The following KLHL32 variants were observed in gnomAD, a reference collection of about 807,000 sequenced individuals.
KLHL32 encodes kelch-like protein 32.
In KLHL32, 35 loss-of-function variants were observed where a neutral mutation model predicts 64.8. That is an observed-to-expected ratio of 0.54 (90% CI 0.41 to 0.72). The LOEUF is 0.72. Ranked by LOEUF, KLHL32 falls within the 30% of genes least tolerant of loss-of-function variation. The probability of loss-of-function intolerance (pLI) is 0.00; values close to 1 mark genes in which losing one functional copy is unlikely to be tolerated. For missense variants in KLHL32, 589 were observed against 768.5 expected, an observed-to-expected ratio of 0.77 and a Z score of 2.76; for synonymous variants, 259 against 281.0, an observed-to-expected ratio of 0.92 and a Z score of 0.78.
chr6:96,940,477 T>A (rs1244953079), intron 1 of KLHL32, among the ~76,000 whole-genome samples: 1 of 152,204 alleles, frequency 6.6e-6, no homozygotes, highest in Non-Finnish European at 1.5e-5. Flanking sequence ...GCTGCTGATA[T>A]CCAAAATGTA....
At chr6:97,053,157 GTTA>G (rs1471680605) in intron 4 of KLHL32, among the ~76,000 whole-genome samples, 1 of 151,940 alleles carries the variant, frequency 6.6e-6, no homozygotes, top group Non-Finnish European at 1.5e-5. Context: ...CTTGCTTTGA[GTTA>G]TTTTTATTCT....
At position 97,085,074 on chromosome 6, in the gene KLHL32, C is replaced by A. The variant is rs1004237414; in HGVS notation, c.412-52C>A. On this transcript the variant is annotated intron_variant, in intron 5 of 10. Coordinates refer to ENST00000369261, the MANE Select transcript of KLHL32 (RefSeq NM_052904.4). Reference sequence around the variant, plus strand: ...AATCTGAATTTCTTGCCTGCTCTTTCTCGGATTTATTTCTAAGAGATCTTT... The same window carrying A: ...AATCTGAATTTCTTGCCTGCTCTTTATCGGATTTATTTCTAAGAGATCTTT... The A allele has an allele frequency of 3.3e-6, 5 of 1,523,046 alleles. No homozygotes were observed. The African/African-American group carries it at 6.9e-5, about 21-fold the overall frequency. 94.3% of individuals were successfully genotyped at this position (1,523,046 alleles called of 1,614,324 possible).
At chr6:97,128,017 C>G (rs1339276687) in intron 8 of KLHL32, among the ~76,000 whole-genome samples, 6 of 152,184 alleles carry the variant, frequency 3.9e-5, no homozygotes, top group South Asian at 2.1e-4. Context: ...TTTTTATTCT[C>G]TTTTCCATAT....
At position 97,018,346 on chromosome 6, in the gene KLHL32, G is replaced by A. The variant is rs532469802; in HGVS notation, c.205-23146G>A. On this transcript the variant is annotated intron_variant, in intron 3 of 10. Coordinates refer to ENST00000369261, the MANE Select transcript of KLHL32 (RefSeq NM_052904.4). ...TAAAAATATCAATTTGGCCAGGCAC[G>A]GACACCAAGGCAGGCGGATCGCCTG... 1.0e-3 allele frequency among the ~76,000 whole-genome samples: 156 copies of A among 151,828 alleles called. 1 individual carries two copies. The highest frequency in any genetic ancestry group is 0.01 in the Middle Eastern group (3 of 294).
At chr6:97,134,650 C>T (rs1582288343) in intron 10 of KLHL32, among the ~76,000 whole-genome samples, 1 of 152,166 alleles carries the variant, frequency 6.6e-6, no homozygotes, top group Non-Finnish European at 1.5e-5. Context: ...ATTTTAAATA[C>T]ATTTATGAGC....
At chr6:96,926,360 A>G (rs1769162814) in intron 1 of KLHL32, among the ~76,000 whole-genome samples, 1 of 152,204 alleles carries the variant, frequency 6.6e-6, no homozygotes, top group Non-Finnish European at 1.5e-5. Context: ...GATAGAGGGG[A>G]TTTATGCAAT....
chr6:96,944,276 G>A (rs1771680707), intron 1 of KLHL32, among the ~76,000 whole-genome samples: 1 of 152,168 alleles, frequency 6.6e-6, no homozygotes, highest in South Asian at 2.1e-4. Flanking sequence ...CTATCTAAAA[G>A]AGCCTAGGCA....
At chr6:97,133,048 T>A (rs937322776) in intron 10 of KLHL32, among the ~76,000 whole-genome samples, 1 of 152,184 alleles carries the variant, frequency 6.6e-6, no homozygotes, top group Non-Finnish European at 1.5e-5. Context: ...ATTCTAAAAA[T>A]CTTTGGCAAT....
chr6:97,019,118 T>C (rs1781638173), intron 3 of KLHL32, among the ~76,000 whole-genome samples: 1 of 152,150 alleles, frequency 6.6e-6, no homozygotes. Flanking sequence ...ATACTTGCAA[T>C]TGTAAAAAAT....
At chr6:97,133,295 G>C (rs1009314651) in intron 10 of KLHL32, among the ~76,000 whole-genome samples, 4 of 152,066 alleles carry the variant, frequency 2.6e-5, no homozygotes, top group Non-Finnish European at 5.9e-5. Context: ...TTGCCAGCTG[G>C]GCCTTTCAGA....
chr6:96,999,914 C>T (rs1029980992), intron 3 of KLHL32, among the ~76,000 whole-genome samples: 1 of 152,058 alleles, frequency 6.6e-6, no homozygotes, highest in Non-Finnish European at 1.5e-5. Flanking sequence ...TAAAACATCA[C>T]CACTACAGCT....
At chr6:97,082,279 A>C (rs1389328171) in intron 5 of KLHL32, among the ~76,000 whole-genome samples, 1 of 152,172 alleles carries the variant, frequency 6.6e-6, no homozygotes, top group Non-Finnish European at 1.5e-5. Context: ...ACTGTTATCT[A>C]AAAGAGGAGA....
Position 96,968,364 on chromosome 6 carries a change from A to G in KLHL32, c.23+1281A>G, listed in dbSNP as rs139096908. On this transcript the variant is annotated intron_variant, in intron 2 of 10. Transcript: ENST00000369261. ...ATAGGGCAGCCCCCTACAGCAAAAAACAAAAAACAAAAAACAAAAACAAAA... is the reference window on the plus strand; with the variant it reads ...ATAGGGCAGCCCCCTACAGCAAAAAGCAAAAAACAAAAAACAAAAACAAAA... 8.2e-3 allele frequency among the ~76,000 whole-genome samples: 1,247 copies of G among 151,812 alleles called. 6 individuals are homozygous for G. The highest frequency in any genetic ancestry group is 0.014 in the African/African-American group (583 of 41,222).
At chr6:96,971,464 T>C (rs900332858) in intron 2 of KLHL32, among the ~76,000 whole-genome samples, 15 of 152,214 alleles carry the variant, frequency 9.9e-5, no homozygotes, top group African/African-American at 3.4e-4. Context: ...GTTTTTGTGA[T>C]CAATTCCAGA....
rs1339792546 is a variant in KLHL32, at chr6:97,020,266, T to TA, written c.205-21225dup. Among the ~76,000 whole-genome samples the TA allele has an allele frequency of 1.1e-4, 17 of 150,716 alleles. 1 individual carries two copies. The highest frequency in any genetic ancestry group is 4.0e-4 in the African/African-American group (16 of 40,076). On this transcript the variant is annotated intron_variant, in intron 3 of 10. Coordinates refer to ENST00000369261, the MANE Select transcript of KLHL32 (RefSeq NM_052904.4). The stretch of plus-strand genomic sequence containing the variant: ...TATACTATTTTTTAAAAATACAAAT[T>TA]ATTTAGATAAACTTTGACCAAATTA...
At chr6:97,063,176 A>G (rs549623204) in intron 4 of KLHL32, among the ~76,000 whole-genome samples, 2 of 152,178 alleles carry the variant, frequency 1.3e-5, no homozygotes, top group African/African-American at 2.4e-5. Context: ...AAGCAGTGCA[A>G]CTAGCTAGGA....
chr6:96,932,257 T>C (rs927346257), intron 1 of KLHL32, among the ~76,000 whole-genome samples: 1 of 22,870 alleles, frequency 4.4e-5, no homozygotes, highest in Non-Finnish European at 8.0e-5. Flanking sequence ...GGAATCAATG[T>C]TTTTTTTTTC....
intron 7 of KLHL32, among the ~76,000 whole-genome samples, chr6:97,118,841 A>G (rs1798082284): frequency 6.6e-6 from 1 of 152,130 alleles, no homozygotes; most frequent in African/African-American, 2.4e-5. Flanking sequence ...AGTAGAGGGA[A>G]CAGACTTTTA....
At chr6:97,111,508 G>A (rs1272201501) in intron 6 of KLHL32, among the ~76,000 whole-genome samples, 1 of 152,216 alleles carries the variant, frequency 6.6e-6, no homozygotes, top group Non-Finnish European at 1.5e-5. Context: ...ATGCAGGTGA[G>A]TGAGTGCAGG....
Sources: gnomAD v4.1 joint callset for allele counts (sites outside exome capture counted in the v4.1 genomes callset) on GRCh38, gnomAD v4.1.1 for gene constraint, MANE v1.5 for transcripts, NCBI Gene and HGNC (gene_info 2026-07-23, HGNC 2026-07-21) for gene names.